Variants in SLC66A1 observed in about 807,000 individuals in gnomAD.
The protein encoded by SLC66A1 is solute carrier family 66 member 1, also known as lysosomal amino acid transporter 1 homolog.
Under a neutral mutation model 33.0 loss-of-function variants are expected in SLC66A1, and 23 were observed. The ratio of observed to expected loss-of-function variants is 0.70; its 90% CI spans 0.50 to 0.99. SLC66A1 has a LOEUF of 0.99. SLC66A1 is among the 50% of genes least tolerant of loss of function. The pLI, the probability that SLC66A1 is intolerant of heterozygous loss-of-function variation, is 0.00. For synonymous variants in SLC66A1, 164 were observed against 175.5 expected, an observed-to-expected ratio of 0.93 and a Z score of 0.52; for missense variants, 335 against 383.6, an observed-to-expected ratio of 0.87 and a Z score of 1.06.
Position 19,328,636 on chromosome 1 carries a change from C to A in SLC66A1, c.869C>A (p.Pro290His). 1 of 1,613,718 alleles carries A rather than the reference C, an allele frequency of 6.2e-7. No homozygotes were observed. Among genetic ancestry groups the A allele is most frequent in the Non-Finnish European group, 8.5e-7 (1 of 1,179,908 alleles). ...TAASELEPLL[P>H]S ...GCCTCGGAGCTTGAGCCCCTCCTCC[C>A]CAGCTGACCAGAACCAGGCTGAGCG... Residue 290 changes from proline (P) to histidine (H), a missense_variant, in exon 8 of 8, where the codon CCC becomes CAC. Pro to His is a moderately conservative substitution (Grantham distance 77). Coordinates refer to ENST00000375153, the MANE Select transcript of SLC66A1 (RefSeq NM_001040125.2). The surrounding 1 kb of genome is among the most constrained non-coding windows in gnomAD (Gnocchi z 4.7).
rs2093873109 is a variant in SLC66A1 at position 19,327,258 on chromosome 1, ACT to A, written c.655_656del (p.Leu219ValfsTer67). On this transcript the variant is annotated frameshift_variant, in exon 7 of 8. Transcript: ENST00000375153. LOFTEE classifies it high-confidence loss of function. ...CGGAAGTCCACCCAGGGGATCTCCT[ACT>A]CTCTGTTCGCGCTGGTGATGCTGGG... 3 of 1,613,402 alleles carry A rather than the reference ACT, an allele frequency of 1.9e-6. No individual in the cohort carries two copies. Among genetic ancestry groups the A allele is most frequent in the South Asian group, 1.1e-5 (1 of 91,054 alleles).
chr1:19,327,435 C>T (rs770621732), intron 7 of SLC66A1, 23 bp downstream of exon 7: 11 of 1,571,920 alleles, frequency 7.0e-6, no homozygotes, highest in Non-Finnish European at 9.5e-6. Context: ...GCGTGTGGGG[C>T]AGGTGGCGGG....
intron 2 of SLC66A1, among the ~76,000 whole-genome samples, chr1:19,321,567 A>ATT (rs35415316): frequency 2.8e-4 from 37 of 132,474 alleles, no homozygotes; most frequent in Admixed American, 3.7e-4. Flanking sequence ...GTCCAACCTC[A>ATT]TTTTTTTTTT....
intron 1 of SLC66A1, among the ~76,000 whole-genome samples, chr1:19,314,323 G>C (rs144291449): frequency 6.6e-6 from 1 of 152,066 alleles, no homozygotes; most frequent in Non-Finnish European, 1.5e-5. Flanking sequence ...TCCCCAACAC[G>C]CACGCATACT....
intron 1 of SLC66A1, among the ~76,000 whole-genome samples, chr1:19,316,353 TTGTGTGTGTGTGTG>T (rs36226389): frequency 1.3e-4 from 19 of 144,918 alleles, no homozygotes; most frequent in Middle Eastern, 3.5e-3. Flanking sequence ...TCTTTATGGT[TTGTGTGTGTGTGTG>T]TGTGTGTGTG....
intron 7 of SLC66A1, 126 bp downstream of exon 7, chr1:19,327,538 T>TCCCCCCCTCCCC (rs1569805155): frequency 1.1e-6 from 1 of 872,364 alleles, no homozygotes; most frequent in Non-Finnish European, 1.7e-6. Flanking sequence ...CATCCCTCCC[T>TCCCCCCCTCCCC]CCCTCCCTCC....
Position 19,314,723 on chromosome 1 carries a change from A to G in SLC66A1, c.-79+1834A>G, listed in dbSNP as rs370243829. On this transcript the variant is annotated intron_variant, in intron 1 of 7. Transcript: ENST00000375153. ...CTGTCAAATGAGCACAGTATACCCA[A>G]CCTTGCTGGGGAGTGGTGAGGATGG... 3.9e-4 allele frequency among the ~76,000 whole-genome samples: 59 copies of G among 152,080 alleles called. 1 individual carries two copies. The highest frequency in any genetic ancestry group is 9.7e-4 in the East Asian group (5 of 5,176).
chr1:19,319,609 T>TTTG (rs1553261873), intron 2 of SLC66A1, among the ~76,000 whole-genome samples: 1 of 147,926 alleles, frequency 6.8e-6, no homozygotes, highest in Non-Finnish European at 1.5e-5. Context: ...ATTCATGTTT[T>TTTG]TTTTTTTTTT....
Position 19,326,229 on chromosome 1 carries a change from C to T in SLC66A1, c.383-16C>T. On this transcript the variant is annotated splice_polypyrimidine_tract_variant and intron_variant, in intron 4 of 7. Transcript: ENST00000375153. ...CTCAGCCATCTAACCTCAGCTTCCC[C>T]CTGCCTTGTGTGCAGTGTCTGCCCC... The T allele has an allele frequency of 6.3e-7, 1 of 1,592,324 alleles. No homozygotes were observed. The highest frequency in any genetic ancestry group is 8.5e-7 in the Non-Finnish European group (1 of 1,172,882).
downstream of SLC66A1, among the ~76,000 whole-genome samples, chr1:19,331,081 A>G (rs939278754): frequency 6.6e-6 from 1 of 152,074 alleles, no homozygotes; most frequent in African/African-American, 2.4e-5. Context: ...GTGCGATCTC[A>G]GCTCACTGCA....
rs765739982 is a variant in SLC66A1 at position 19,317,723 on chromosome 1, A to G, written c.46A>G (p.Ser16Gly). 1.9e-6 allele frequency: 3 copies of G among 1,614,074 alleles called. No individual in the cohort carries two copies. Among genetic ancestry groups the G allele is most frequent in the Middle Eastern group, 1.6e-4 (1 of 6,084 alleles). Residue 16 changes from serine to glycine, a missense_variant, in exon 2 of 8, where the codon AGT becomes GGT. Physicochemically the swap from Ser to Gly is moderately conservative, Grantham distance 56. Coordinates refer to ENST00000375153, the MANE Select transcript of SLC66A1 (RefSeq NM_001040125.2). ...CTCCCGCAACTTCTCCAGCTGCCCCAGTGGCTCCATCCAGTGGATATGGGA... is the reference window on the plus strand; with the variant it reads ...CTCCCGCAACTTCTCCAGCTGCCCCGGTGGCTCCATCCAGTGGATATGGGA... The part of the protein sequence containing the change: ...LGSRNFSSCP[S>G]GSIQWIWDVL...
At position 19,329,264 on chromosome 1, in the gene SLC66A1, TAAAAA is replaced by T. The variant is rs762275021; in HGVS notation, c.*623_*627del. The T allele has an allele frequency of 1.3e-5, 2 of 152,506 alleles. No individual in the cohort carries two copies. The highest frequency in any genetic ancestry group is 4.8e-5 in the African/African-American group (2 of 41,346). The allele number at this position is 152,506 out of a possible 1,614,324, so 9.4% of individuals were successfully genotyped here. On this transcript the variant is annotated 3_prime_UTR_variant, in exon 8 of 8. Transcript: ENST00000375153. ...AGAGTGAGACTCCGTCTCAAAAAAA[TAAAAA>T]AGATAACCGAGGAAACGGTACCTCC...
intron 2 of SLC66A1, among the ~76,000 whole-genome samples, chr1:19,324,183 G>A (rs7531237): frequency 0.22 from 32,763 of 152,272 alleles, 4,136 homozygotes; most frequent in South Asian, 0.33. Flanking sequence ...CTGGAGACCC[G>A]GCGTGCCCAG....
At position 19,320,193 on chromosome 1, in the gene SLC66A1, G is replaced by A. The variant is rs115339298; in HGVS notation, c.164+2352G>A. Among the ~76,000 whole-genome samples, 161 of 151,754 alleles carry A rather than the reference G, an allele frequency of 1.1e-3. 1 individual carries two copies. Among genetic ancestry groups the A allele is most frequent in the African/African-American group, 3.7e-3 (154 of 41,410 alleles). Reference sequence around the variant, plus strand: ...TGGGATTATAGGTATGAGCCATGGTGCCCGACCTTCAGGTATGAGTTTTTG... The same window carrying A: ...TGGGATTATAGGTATGAGCCATGGTACCCGACCTTCAGGTATGAGTTTTTG... On this transcript the variant is annotated intron_variant, in intron 2 of 7. Transcript: ENST00000375153.
At position 19,317,661 on chromosome 1, in the gene SLC66A1, G is replaced by GC; in HGVS notation, c.-13dup. On this transcript the variant is annotated 5_prime_UTR_variant, in exon 2 of 8. Transcript: ENST00000375153. Reference sequence around the variant, plus strand: ...CCGGTGCAGCCCTGCCTGGCCGGGGGCCCCTCCTCCACAGCCATGGTCTGG... The same window carrying GC: ...CCGGTGCAGCCCTGCCTGGCCGGGGGCCCCCTCCTCCACAGCCATGGTCTGG... 6.2e-7 allele frequency: 1 copy of GC among 1,613,142 alleles called. No homozygotes were observed. The highest frequency in any genetic ancestry group is 2.2e-5 in the East Asian group (1 of 44,864).
In SLC66A1 at chr1:19,325,503, G is replaced by A. The variant is rs373303539; in HGVS notation, c.303G>A (p.Thr101=). ...CCCTGCATCTCTTACAGACCTACAC[G>A]GCTGTGTATTATGTCTTGGCAGACC... ...LADQLPLQTY[T]AVYYVLADLV... The change falls in exon 4 of 8, where the codon ACG becomes ACA. Residue 101 remains threonine (T), a synonymous_variant. Transcript: ENST00000375153. 27 of 1,606,278 alleles carry A rather than the reference G, an allele frequency of 1.7e-5. No individual in the cohort carries two copies. The African/African-American group carries it at 2.4e-4, about 14-fold the overall frequency.
At chr1:19,323,994 C>G (rs922376841) in intron 2 of SLC66A1, among the ~76,000 whole-genome samples, 1 of 152,202 alleles carries the variant, frequency 6.6e-6, no homozygotes, top group African/African-American at 2.4e-5. Context: ...GGCCTCGTAC[C>G]CACACCTGGC....
downstream of SLC66A1, among the ~76,000 whole-genome samples, chr1:19,331,529 C>G (rs1009719587): frequency 6.6e-6 from 1 of 152,164 alleles, no homozygotes; most frequent in African/African-American, 2.4e-5. Flanking sequence ...TGGCCCGAAC[C>G]CTGCTGGACC....
Position 19,325,543 on chromosome 1 carries a change from C to T in SLC66A1, c.343C>T (p.Leu115=). ...YVLADLVMLT[L]YFYYKFRTRP... Reference sequence around the variant, plus strand: ...CTTGGCAGACCTGGTGATGCTGACGCTGTACTTTTACTACAAGTTCAGGAC... The same window carrying T: ...CTTGGCAGACCTGGTGATGCTGACGTTGTACTTTTACTACAAGTTCAGGAC... The change falls in exon 4 of 8, where the codon CTG becomes TTG. Residue 115 remains leucine, a synonymous_variant. Transcript: ENST00000375153. 6.2e-7 allele frequency: 1 copy of T among 1,605,772 alleles called. No homozygotes were observed. The highest frequency in any genetic ancestry group is 8.5e-7 in the Non-Finnish European group (1 of 1,174,528).
Sources: gnomAD v4.1 joint callset for allele counts (sites outside exome capture counted in the v4.1 genomes callset) on GRCh38, gnomAD v4.1.1 for gene constraint, Gnocchi (gnomAD v3.1) non-coding constraint, MANE v1.5 for transcripts, NCBI Gene and HGNC (gene_info 2026-07-23, HGNC 2026-07-21) for gene names.